ARMC9: variants seen among roughly 807,000 people sequenced by gnomAD.
ARMC9 encodes armadillo repeat containing 9.
A neutral mutation model predicts 107.0 loss-of-function variants in ARMC9; 94 were observed. The observed-to-expected ratio is 0.88, with a 90% CI of 0.74 to 1.04. The LOEUF (loss-of-function observed/expected upper bound fraction) is 1.04, where lower values mean the gene tolerates loss of function less well. ARMC9 is among the 50% of genes least tolerant of loss of function. ARMC9 has a pLI of 0.00. For synonymous variants in ARMC9, 380 were observed against 396.9 expected, an observed-to-expected ratio of 0.96 and a Z score of 0.51; for missense variants, 942 against 1,030.1, an observed-to-expected ratio of 0.91 and a Z score of 1.17.
chr2:231,343,591 A>T (rs2044646702), intron 20 of ARMC9, among the ~76,000 whole-genome samples: 1 of 152,156 alleles, frequency 6.6e-6, no homozygotes, highest in Admixed American at 6.5e-5. Context: ...GACTTTATTC[A>T]CATTTCACTA....
chr2:231,365,344 C>G (rs536823522), intron 23 of ARMC9, among the ~76,000 whole-genome samples: 2 of 152,214 alleles, frequency 1.3e-5, no homozygotes, highest in East Asian at 3.9e-4. Flanking sequence ...CTCAGCGTAT[C>G]AATAGGAACA....
chr2:231,323,131 G>T (rs2043092674), intron 19 of ARMC9, among the ~76,000 whole-genome samples: 1 of 152,058 alleles, frequency 6.6e-6, no homozygotes, highest in African/African-American at 2.4e-5. Flanking sequence ...AGAGGCTATA[G>T]TGAGCTGTGA....
chr2:231,262,677 G>A (rs2038486303), intron 12 of ARMC9, among the ~76,000 whole-genome samples: 1 of 152,002 alleles, frequency 6.6e-6, no homozygotes, highest in African/African-American at 2.4e-5. Flanking sequence ...TGCTTACCAT[G>A]AGTCCTGAAA....
At chr2:231,233,499 G>A (rs551610205) in intron 7 of ARMC9, among the ~76,000 whole-genome samples, 5 of 152,216 alleles carry the variant, frequency 3.3e-5, no homozygotes, top group East Asian at 3.9e-4. Context: ...ACTTGTGGCC[G>A]GGTGCGGTGG....
Position 231,232,742 on chromosome 2 carries a change from C to T in ARMC9, c.623-2482C>T, listed in dbSNP as rs947470504. ...TTGGGATTACAGGTATGAGCCACTG[C>T]GCCCGGCCTTTGCCAGGTGACTTTT... On this transcript the variant is annotated intron_variant, in intron 7 of 24. Transcript: ENST00000611582. 4.0e-5 allele frequency among the ~76,000 whole-genome samples: 6 copies of T among 151,600 alleles called. No homozygotes were observed. The East Asian group carries it at 5.8e-4, about 15-fold the overall frequency.
intron 24 of ARMC9, 43 bp downstream of exon 24, chr2:231,370,168 C>A: frequency 6.8e-7 from 1 of 1,468,894 alleles, no homozygotes; most frequent in Non-Finnish European, 9.0e-7. Context: ...CCTGGCCACC[C>A]GCCAACCTGC....
chr2:231,366,773 G>A (rs1290951990), intron 23 of ARMC9, among the ~76,000 whole-genome samples: 6 of 151,196 alleles, frequency 4.0e-5, no homozygotes, highest in African/African-American at 9.7e-5. Flanking sequence ...CCCATGAGGC[G>A]GAGGTTGCAG....
chr2:231,353,980 TACAC>T (rs35433958), intron 21 of ARMC9, among the ~76,000 whole-genome samples: 1,358 of 135,308 alleles, frequency 0.01, 9 homozygotes, highest in African/African-American at 0.025. Context: ...TATGTATATA[TACAC>T]ACACACACAC....
At position 231,244,697 on chromosome 2, in the gene ARMC9, G is replaced by A. The variant is rs1476298110; in HGVS notation, c.879+4656G>A. On this transcript the variant is annotated intron_variant, in intron 9 of 24. Coordinates refer to ENST00000611582, the MANE Select transcript of ARMC9 (RefSeq NM_001352754.2). ...GAATGTGGATTTTGTTTGCAGGCAG[G>A]TGGGGTCCTACTCTTGTGCCTGGGA... Among the ~76,000 whole-genome samples, 5 of 152,180 alleles carry A rather than the reference G, an allele frequency of 3.3e-5. No homozygotes were observed. The South Asian group carries it at 8.3e-4, about 25-fold the overall frequency.
chr2:231,333,401 C>T (rs1490583694), intron 20 of ARMC9, among the ~76,000 whole-genome samples: 3 of 152,176 alleles, frequency 2.0e-5, no homozygotes, highest in African/African-American at 7.2e-5. Flanking sequence ...GGGCGGGGAA[C>T]CACCGCGAAC....
At chr2:231,363,001 GCA>G (rs2045653756) in intron 23 of ARMC9, among the ~76,000 whole-genome samples, 1 of 152,232 alleles carries the variant, frequency 6.6e-6, no homozygotes, top group South Asian at 2.1e-4. Flanking sequence ...AGTGTGCAGG[GCA>G]CAGAGAGCGT....
intron 6 of ARMC9, 38 bp downstream of exon 6, chr2:231,222,858 T>C (rs1474845503): frequency 7.3e-7 from 1 of 1,378,220 alleles, no homozygotes; most frequent in Non-Finnish European, 1.0e-6. Context: ...CCTATGGTTT[T>C]AGAGCAGATT....
chr2:231,232,800 T>A (rs895465915), intron 7 of ARMC9, among the ~76,000 whole-genome samples: 3 of 152,130 alleles, frequency 2.0e-5, no homozygotes, highest in South Asian at 2.1e-4. Flanking sequence ...GATTTGTGGA[T>A]GTTGAATAAT....
At chr2:231,321,030 G>T (rs975816630) in intron 19 of ARMC9, among the ~76,000 whole-genome samples, 5 of 152,226 alleles carry the variant, frequency 3.3e-5, no homozygotes, top group African/African-American at 9.6e-5. Flanking sequence ...TACCAGCTGT[G>T]TGTGGCTTTG....
rs766456775 is a variant in ARMC9 at position 231,270,996 on chromosome 2, G to A, written c.1134G>A (p.Gln378=). ...TTTTCCCCCAGAGGAGTGTGCTTCA[G>A]TTGCTGCACTCCACGAGCGACGTGG... is the stretch of plus-strand genomic sequence containing the variant. ...CYSHNQRSVL[Q]LLHSTSDVVR... Residue 378 remains glutamine, a synonymous_variant, in exon 13 of 25, where the codon CAG becomes CAA. Transcript: ENST00000611582. 1 of 1,614,136 alleles carries A rather than the reference G, an allele frequency of 6.2e-7. No homozygotes were observed.
rs1415004865 is a variant in ARMC9 at position 231,360,608 on chromosome 2, G to A, written c.2132-146G>A. On this transcript the variant is annotated intron_variant, in intron 22 of 24. Coordinates refer to ENST00000611582, the MANE Select transcript of ARMC9 (RefSeq NM_001352754.2). This position sits in a 1 kb window ranked among gnomAD's most constrained non-coding sequence, Gnocchi z 4.7. ...GTTCCCGGGCTGCACGAGTAAACAAGTATCCCAAGCCACAGGCGCCAGGGA... is the reference window on the plus strand; with the variant it reads ...GTTCCCGGGCTGCACGAGTAAACAAATATCCCAAGCCACAGGCGCCAGGGA... 1.1e-5 allele frequency: 15 copies of A among 1,309,504 alleles called. No individual in the cohort carries two copies. Among genetic ancestry groups the A allele is most frequent in the African/African-American group, 2.9e-5 (2 of 67,808 alleles). 81.1% of individuals were successfully genotyped at this position (1,309,504 alleles called of 1,614,324 possible).
chr2:231,314,193 C>CCT (rs759783875), intron 19 of ARMC9, among the ~76,000 whole-genome samples: 25 of 151,984 alleles, frequency 1.6e-4, no homozygotes, highest in Non-Finnish European at 2.5e-4. Flanking sequence ...GATTCTCCTG[C>CCT]CTCACCCTCC....
chr2:231,236,765 G>A (rs1410859799), intron 8 of ARMC9, among the ~76,000 whole-genome samples: 3 of 152,040 alleles, frequency 2.0e-5, no homozygotes, highest in South Asian at 4.2e-4. Context: ...CCAACATGGC[G>A]AAACCCCGTC....
In ARMC9 at chr2:231,360,604, AC is replaced by A. The variant is rs1172818133; in HGVS notation, c.2132-149del. 15 of 1,281,696 alleles carry A rather than the reference AC, an allele frequency of 1.2e-5. No individual in the cohort carries two copies. Among genetic ancestry groups the A allele is most frequent in the Non-Finnish European group, 4.3e-6 (4 of 928,006 alleles). The allele number at this position is 1,281,696 out of a possible 1,614,324, so 79.4% of individuals were successfully genotyped here. A position where few individuals can be genotyped will look rare whatever the true frequency, so the allele number is the denominator to read the frequency against. On this transcript the variant is annotated intron_variant, in intron 22 of 24. Transcript: ENST00000611582. This position sits in a 1 kb window ranked among gnomAD's most constrained non-coding sequence, Gnocchi z 4.7. ...GCAAGTTCCCGGGCTGCACGAGTAA[AC>A]AAGTATCCCAAGCCACAGGCGCCAG...
Sources: gnomAD v4.1 joint callset for allele counts (sites outside exome capture counted in the v4.1 genomes callset) on GRCh38, gnomAD v4.1.1 for gene constraint, Gnocchi (gnomAD v3.1) non-coding constraint, MANE v1.5 for transcripts, NCBI Gene and HGNC (gene_info 2026-07-23, HGNC 2026-07-21) for gene names.